The following PTK2 variants were observed in gnomAD, a reference collection of about 807,000 sequenced individuals.
PTK2 encodes the protein focal adhesion kinase 1.
A neutral mutation model predicts 150.1 loss-of-function variants in PTK2; 45 were observed. That is an observed-to-expected ratio of 0.30 (90% CI 0.24 to 0.38). PTK2 has a LOEUF of 0.38. Among genes scored for constraint, PTK2 ranks in the 10% least tolerant of loss-of-function variants. PTK2 has a pLI of 1.00. For synonymous variants in PTK2, 432 were observed against 449.2 expected, an observed-to-expected ratio of 0.96 and a Z score of 0.48; for missense variants, 919 against 1,307.3, an observed-to-expected ratio of 0.70 and a Z score of 4.58.
At chr8:140,985,990 C>T (rs1045569775) in intron 1 of PTK2, among the ~76,000 whole-genome samples, 20 of 152,178 alleles carry the variant, frequency 1.3e-4, no homozygotes, top group African/African-American at 4.8e-4. Flanking sequence ...AAAATTCAAA[C>T]TTTAAACAGC....
chr8:140,885,721 G>A (rs2100152021), intron 3 of PTK2, among the ~76,000 whole-genome samples: 1 of 152,096 alleles, frequency 6.6e-6, no homozygotes. Context: ...GGGGATTTAA[G>A]CAAATCACTG....
intron 4 of PTK2, among the ~76,000 whole-genome samples, chr8:140,878,556 C>T (rs539328356): frequency 3.3e-5 from 5 of 151,830 alleles, no homozygotes; most frequent in African/African-American, 9.7e-5. Context: ...TTCATGCCAC[C>T]GTACTGCAGC....
rs78670553 is a variant in PTK2 at position 140,817,376 on chromosome 8, T to C, written c.867+901A>G. 2.4e-3 allele frequency among the ~76,000 whole-genome samples: 369 copies of C among 152,282 alleles called. 2 individuals carry two copies. The highest frequency in any genetic ancestry group is 8.5e-3 in the African/African-American group (354 of 41,534). On this transcript the variant is annotated intron_variant, in intron 10 of 31. Coordinates refer to ENST00000522684, the Ensembl canonical transcript of PTK2. Reference sequence around the variant, plus strand: ...TCAGACACGGTTTGGCACATTTATATATGTATAGGAAATTATATGTACAGG... The same window carrying C: ...TCAGACACGGTTTGGCACATTTATACATGTATAGGAAATTATATGTACAGG...
intron 2 of PTK2, among the ~76,000 whole-genome samples, chr8:140,912,952 A>T (rs942714070): frequency 7.4e-4 from 111 of 150,534 alleles, no homozygotes; most frequent in African/African-American, 2.7e-3. Context: ...TCTCAAAAAA[A>T]AGAAAAAAGA....
intron 4 of PTK2, among the ~76,000 whole-genome samples, chr8:140,869,888 A>G (rs2100141527): frequency 6.6e-6 from 1 of 152,134 alleles, no homozygotes; most frequent in Admixed American, 6.5e-5. Context: ...AAAAAAAAGT[A>G]AATCGACAAT....
chr8:140,914,741 G>T (rs1019776978), intron 2 of PTK2, among the ~76,000 whole-genome samples: 4 of 152,010 alleles, frequency 2.6e-5, no homozygotes, highest in Admixed American at 2.6e-4. Context: ...TCCGTTTAAA[G>T]TAAGAGTCTA....
At chr8:140,946,168 G>A (rs960791519) in intron 1 of PTK2, among the ~76,000 whole-genome samples, 1 of 152,110 alleles carries the variant, frequency 6.6e-6, no homozygotes, top group Non-Finnish European at 1.5e-5. Flanking sequence ...CCTACTTACA[G>A]AGCTGTCAGA....
chr8:140,899,509 A>C lies in PTK2; in HGVS notation c.-32-8740T>G, dbSNP rs1024740384. Among the ~76,000 whole-genome samples the C allele has an allele frequency of 4.6e-5, 7 of 152,204 alleles. No individual in the cohort carries two copies. The East Asian group carries it at 1.3e-3, about 29-fold the overall frequency. The stretch of plus-strand genomic sequence containing the variant: ...CAATAAGCCAATTGATGAATTTTAC[A>C]AAAAACATTTTAAGAAGTAATACCA... On this transcript the variant is annotated intron_variant, in intron 2 of 31. Coordinates refer to ENST00000522684, the Ensembl canonical transcript of PTK2.
intron 1 of PTK2, among the ~76,000 whole-genome samples, chr8:140,999,842 G>A (rs1188746039): frequency 1.3e-5 from 2 of 151,884 alleles, no homozygotes; most frequent in Admixed American, 1.3e-4. Context: ...AAATCCTAGC[G>A]ATGGTTAAGT....
At chr8:140,825,220 C>A (rs1367110684) in intron 8 of PTK2, among the ~76,000 whole-genome samples, 1 of 152,162 alleles carries the variant, frequency 6.6e-6, no homozygotes, top group Non-Finnish European at 1.5e-5. Context: ...AGATGATAAG[C>A]TCTGTAAGCA....
chr8:140,682,679 C>G (rs998871905), intron 27 of PTK2, among the ~76,000 whole-genome samples: 4 of 149,166 alleles, frequency 2.7e-5, no homozygotes, highest in African/African-American at 9.8e-5. Context: ...ACTCTAGGAC[C>G]ACAGCACAAT....
chr8:140,674,490 A>G (rs972313922), intron 28 of PTK2, 86 bp from the exon 32 acceptor site: 8 of 1,257,490 alleles, frequency 6.4e-6, no homozygotes, highest in Admixed American at 2.0e-5. Flanking sequence ...CTATAATCTC[A>G]GCACTTTGGG....
intron 27 of PTK2, among the ~76,000 whole-genome samples, chr8:140,681,602 ACCG>A (rs2100016975): frequency 6.6e-6 from 1 of 151,886 alleles, no homozygotes; most frequent in African/African-American, 2.4e-5. Flanking sequence ...ACAGTGAAAC[ACCG>A]TCTCTACTAA....
At chr8:140,745,999 C>CAAA (rs367643506) in intron 18 of PTK2, among the ~76,000 whole-genome samples, 1 of 69,800 alleles carries the variant, frequency 1.4e-5, no homozygotes, top group Non-Finnish European at 2.9e-5. Context: ...GACTCTGTCT[C>CAAA]AAAAAAAAAA....
At chr8:140,975,356 C>T (rs998070151) in intron 1 of PTK2, among the ~76,000 whole-genome samples, 5 of 152,150 alleles carry the variant, frequency 3.3e-5, no homozygotes, top group African/African-American at 1.2e-4. Context: ...CTGCTTTGAT[C>T]CTGCCCAGTA....
chr8:140,986,426 C>A (rs1335221504), intron 1 of PTK2, among the ~76,000 whole-genome samples: 3 of 152,168 alleles, frequency 2.0e-5, no homozygotes, highest in Non-Finnish European at 4.4e-5. Context: ...ATCTTAAAAG[C>A]AACCACAACC....
chr8:140,985,396 AT>A (rs1353089426), intron 1 of PTK2, among the ~76,000 whole-genome samples: 1 of 152,148 alleles, frequency 6.6e-6, no homozygotes, highest in Non-Finnish European at 1.5e-5. Context: ...AAGTGCTCGA[AT>A]TACAGGCATT....
intron 8 of PTK2, among the ~76,000 whole-genome samples, chr8:140,820,076 GTTTTTTTTTTTT>G (rs370537018): frequency 9.4e-4 from 47 of 50,252 alleles, no homozygotes; most frequent in East Asian, 3.8e-3. Flanking sequence ...TCTGACTTTG[GTTTTTTTTTTTT>G]TTTTTTTTTT....
intron 26 of PTK2, among the ~76,000 whole-genome samples, chr8:140,687,617 G>T (rs2100020733): frequency 6.6e-6 from 1 of 152,220 alleles, no homozygotes; most frequent in Admixed American, 6.5e-5. Context: ...TTGGGTGGGG[G>T]ATGGAGAAAT....
Sources: gnomAD v4.1 joint callset for allele counts (sites outside exome capture counted in the v4.1 genomes callset) on GRCh38, gnomAD v4.1.1 for gene constraint, MANE v1.5 for transcripts, NCBI Gene and HGNC (gene_info 2026-07-23, HGNC 2026-07-21) for gene names.